Variants in ZSWIM3 observed in about 807,000 individuals in gnomAD.
ZSWIM3 encodes zinc finger SWIM-type containing 3, also known as zinc finger SWIM domain-containing protein 3.
A neutral mutation model predicts 47.5 loss-of-function variants in ZSWIM3; 27 were observed. That is an observed-to-expected ratio of 0.57 (90% confidence interval 0.42 to 0.78). The LOEUF is 0.78. ZSWIM3 is among the 30% of genes least tolerant of loss of function. The pLI is 0.00. For synonymous variants in ZSWIM3, 333 were observed against 333.9 expected (o/e 1.00, Z 0.03); for missense variants, 689 against 861.3 (o/e 0.80, Z 2.50).
chr20:45,862,284 A>C (rs1359719531), intron 1 of ZSWIM3, among the ~76,000 whole-genome samples: 1 of 150,472 alleles, frequency 6.6e-6, no homozygotes, highest in Non-Finnish European at 1.5e-5. Context: ...AGTAGCTGAG[A>C]TTACAGGCAC....
Position 45,878,814 on chromosome 20 carries a change from C to A in ZSWIM3, c.*165C>A. On this transcript the variant is annotated 3_prime_UTR_variant, in exon 2 of 2. Transcript: ENST00000255152. ...GAAGGGAACTCCACTGTGTGACAGTCCTTTCAATCTGCCCCTTTTCAGCCC... is the reference window on the plus strand; with the variant it reads ...GAAGGGAACTCCACTGTGTGACAGTACTTTCAATCTGCCCCTTTTCAGCCC... 1 of 908,046 alleles carries A rather than the reference C, an allele frequency of 1.1e-6. No individual in the cohort carries two copies. The highest frequency in any genetic ancestry group is 2.0e-5 in the South Asian group (1 of 49,180). 56.2% of individuals were successfully genotyped at this position (908,046 alleles called of 1,614,324 possible).
rs774591100 is a variant in ZSWIM3 at position 45,877,707 on chromosome 20, G to A, written c.1149G>A (p.Lys383=). 2.2e-5 allele frequency: 35 copies of A among 1,613,880 alleles called. 2 individuals are homozygous for A. In the South Asian group the frequency reaches 3.6e-4, roughly 17 times the overall value. ...TGCTGTGGTACATGCATGTTAGGAA[G>A]GGCCTGCTTGCGTGTAACACCTACA... ...CELLWYMHVR[K]GLLACNTYMD... is the part of the protein sequence containing the mutation. Residue 383 remains lysine, a synonymous_variant, in exon 2 of 2, where the codon AAG becomes AAA. Coordinates refer to ENST00000255152, the MANE Select transcript of ZSWIM3 (RefSeq NM_080752.4).
chr20:45,859,637 C>T (rs1204782889), intron 1 of ZSWIM3, among the ~76,000 whole-genome samples: 2 of 151,844 alleles, frequency 1.3e-5, no homozygotes, highest in East Asian at 3.9e-4. Flanking sequence ...GACAAAGATA[C>T]ATGAAAGAAG....
intron 1 of ZSWIM3, among the ~76,000 whole-genome samples, chr20:45,874,267 T>C (rs1416113156): frequency 2.6e-5 from 4 of 152,154 alleles, no homozygotes; most frequent in African/African-American, 9.7e-5. Context: ...ATCTCAGCAC[T>C]TTGGGAGGCT....
chr20:45,875,383 C>T (rs1452460885), intron 1 of ZSWIM3, among the ~76,000 whole-genome samples: 1 of 151,908 alleles, frequency 6.6e-6, no homozygotes, highest in African/African-American at 2.4e-5. Flanking sequence ...GCTGTGTTGC[C>T]CAGGCTGATC....
intron 1 of ZSWIM3, among the ~76,000 whole-genome samples, chr20:45,862,777 G>A (rs952370479): frequency 1.3e-5 from 2 of 152,122 alleles, no homozygotes; most frequent in African/African-American, 4.8e-5. Context: ...CAGCTGTGAG[G>A]TGCCACGCCC....
At position 45,878,381 on chromosome 20, in the gene ZSWIM3, G is replaced by A; in HGVS notation, c.1823G>A (p.Gly608Asp). 1 of 1,614,220 alleles carries A rather than the reference G, an allele frequency of 6.2e-7. No homozygotes were observed. The highest frequency in any genetic ancestry group is 2.2e-5 in the East Asian group (1 of 44,892). ...LQDRGMVPNT[G>D]QPEKQGRNDM... ...GATCGTGGTATGGTCCCAAACACAG[G>A]CCAGCCTGAGAAGCAAGGACGGAAC... Residue 608 changes from glycine (G) to aspartate (D), a missense_variant, in exon 2 of 2, where the codon GGC becomes GAC. By Grantham distance (94) the Gly-to-Asp change is moderately conservative. Coordinates refer to ENST00000255152, the MANE Select transcript of ZSWIM3 (RefSeq NM_080752.4).
At position 45,877,778 on chromosome 20, in the gene ZSWIM3, G is replaced by A. The variant is rs1392516139; in HGVS notation, c.1220G>A (p.Arg407Gln). Residue 407 changes from arginine to glutamine, a missense_variant, in exon 2 of 2, where the codon CGG becomes CAG. Coordinates refer to ENST00000255152, the MANE Select transcript of ZSWIM3 (RefSeq NM_080752.4). ...ACCAGCAAGGTGTCAAGCCTCTTTC[G>A]GGAACAGCAGTCGCTGCTGGACTGC... is the stretch of plus-strand genomic sequence containing the variant. Reference protein sequence around the residue: ...IVTSKVSSLFREQQSLLDCIL... With the variant: ...IVTSKVSSLFQEQQSLLDCIL... 2 of 1,614,110 alleles carry A rather than the reference G, an allele frequency of 1.2e-6. No homozygotes were observed. The highest frequency in any genetic ancestry group is 1.7e-6 in the Non-Finnish European group (2 of 1,179,998).
At chr20:45,874,260 T>C (rs1037922131) in intron 1 of ZSWIM3, among the ~76,000 whole-genome samples, 1 of 152,102 alleles carries the variant, frequency 6.6e-6, no homozygotes, top group Non-Finnish European at 1.5e-5. Flanking sequence ...GCCTGTAATC[T>C]CAGCACTTTG....
intron 1 of ZSWIM3, chr20:45,872,637 A>G: frequency 9.1e-7 from 1 of 1,094,842 alleles, no homozygotes; most frequent in Non-Finnish European, 1.2e-6. Flanking sequence ...GAGCATGGTG[A>G]ACACACAAAG....
Position 45,877,591 on chromosome 20 carries a change from G to T in ZSWIM3, c.1033G>T (p.Ala345Ser), listed in dbSNP as rs1431772069. ...GGAGGCCGTGTTTGTCACTTCTGAA[G>T]CCAGCCTGAAAAATCTCTGCCAGAT... ...LREAVFVTSEASLKNLCQMSQ... is the reference protein window; with the variant it reads ...LREAVFVTSESSLKNLCQMSQ... The change falls in exon 2 of 2, where the codon GCC (alanine) becomes TCC (serine). Residue 345 changes from alanine to serine, a missense_variant. Physicochemically the swap from Ala to Ser is moderately conservative, Grantham distance 99. Transcript: ENST00000255152. The T allele has an allele frequency of 6.2e-7, 1 of 1,614,084 alleles. No homozygotes were observed. The highest frequency in any genetic ancestry group is 1.7e-5 in the Admixed American group (1 of 60,004).
chr20:45,870,337 C>G (rs1985945554), intron 1 of ZSWIM3, among the ~76,000 whole-genome samples: 1 of 111,624 alleles, frequency 9.0e-6, no homozygotes. Context: ...GAGACTCCGT[C>G]TCAAAAAAAA....
intron 1 of ZSWIM3, among the ~76,000 whole-genome samples, chr20:45,866,934 T>G (rs1167247352): frequency 6.6e-6 from 1 of 151,816 alleles, no homozygotes; most frequent in Non-Finnish European, 1.5e-5. Context: ...CAAAGATACG[T>G]GCTCTGGGAA....
At chr20:45,870,310 A>G (rs936330350) in intron 1 of ZSWIM3, among the ~76,000 whole-genome samples, 2 of 151,282 alleles carry the variant, frequency 1.3e-5, no homozygotes, top group Non-Finnish European at 2.9e-5. Flanking sequence ...AGTGCATTCC[A>G]ACCTGGGTGA....
intron 1 of ZSWIM3, among the ~76,000 whole-genome samples, chr20:45,868,846 C>T (rs551839536): frequency 6.6e-6 from 1 of 151,900 alleles, no homozygotes; most frequent in African/African-American, 2.4e-5. Flanking sequence ...TTTGTCACCC[C>T]GGCTGGAGTG....
Position 45,868,814 on chromosome 20 carries a change from AT to A in ZSWIM3, c.156-7894del, listed in dbSNP as rs544983026. On this transcript the variant is annotated intron_variant, in intron 1 of 1. Transcript: ENST00000255152. ...TATAATAATAATAATCATTATTTTT[AT>A]TTTTTGAGACAGGGTCTTGTTTTGT... 3.2e-3 allele frequency among the ~76,000 whole-genome samples: 488 copies of A among 151,950 alleles called. 3 individuals are homozygous for A. The highest frequency in any genetic ancestry group is 0.011 in the African/African-American group (466 of 41,468).
chr20:45,864,755 G>A (rs1985794242), intron 1 of ZSWIM3, among the ~76,000 whole-genome samples: 1 of 152,190 alleles, frequency 6.6e-6, no homozygotes, highest in South Asian at 2.1e-4. Flanking sequence ...CAGCTACTCA[G>A]GGGGCTGAGG....
At position 45,866,013 on chromosome 20, in the gene ZSWIM3, AAG is replaced by A. The variant is rs1198996585; in HGVS notation, c.155+8035_155+8036del. Among the ~76,000 whole-genome samples, 5 of 147,618 alleles carry A rather than the reference AAG, an allele frequency of 3.4e-5. 1 individual carries two copies. Among genetic ancestry groups the A allele is most frequent in the African/African-American group, 2.4e-5 (1 of 41,202 alleles). On this transcript the variant is annotated intron_variant, in intron 1 of 1. Coordinates refer to ENST00000255152, the MANE Select transcript of ZSWIM3 (RefSeq NM_080752.4). Reference sequence around the variant, plus strand: ...GTCTCAAAAAAAAAAAAAAAAGAAAAAGAAAAAAAAAATTCAGGCTAGGGGGC... The same window carrying A: ...GTCTCAAAAAAAAAAAAAAAAGAAAAAAAAAAAAAATTCAGGCTAGGGGGC...
chr20:45,877,459 G>T lies in ZSWIM3; in HGVS notation c.901G>T (p.Ala301Ser), dbSNP rs141978692. The T allele has an allele frequency of 8.7e-6, 14 of 1,614,066 alleles. No individual in the cohort carries two copies. The African/African-American group carries it at 1.9e-4, about 22-fold the overall frequency. Residue 301 changes from alanine to serine, a missense_variant, in exon 2 of 2, where the codon GCC becomes TCC. By Grantham distance (99) the Ala-to-Ser change is moderately conservative. Coordinates refer to ENST00000255152, the MANE Select transcript of ZSWIM3 (RefSeq NM_080752.4). The stretch of plus-strand genomic sequence containing the variant: ...TATCCTGCAGGAGATCTTTCCTGCT[G>T]CCCGCATCCTCCTTTCCATCTACCA... ...RAILQEIFPA[A>S]RILLSIYHTT...
Sources: gnomAD v4.1 joint callset for allele counts (sites outside exome capture counted in the v4.1 genomes callset) on GRCh38, gnomAD v4.1.1 for gene constraint, MANE v1.5 for transcripts, NCBI Gene and HGNC (gene_info 2026-07-23, HGNC 2026-07-21) for gene names.